The following TAF3 variants were observed in gnomAD, a reference collection of about 807,000 sequenced individuals.
TAF3 encodes the protein TATA-box binding protein associated factor 3, also known as transcription initiation factor TFIID subunit 3.
A neutral mutation model predicts 80.6 loss-of-function variants in TAF3; 7 were observed. The observed-to-expected ratio is 0.09, with a 90% CI of 0.05 to 0.16. The LOEUF (loss-of-function observed/expected upper bound fraction) is 0.16. Among genes scored for constraint, TAF3 ranks in the 10% least tolerant of loss-of-function variants. The probability of loss-of-function intolerance (pLI) is 1.00; values close to 1 mark genes in which losing one functional copy is unlikely to be tolerated. For synonymous variants in TAF3, 444 were observed against 446.1 expected (o/e 1.00, Z 0.06); for missense variants, 921 against 1,140.2 (o/e 0.81, Z 2.77).
At chr10:8,004,060 A>T (rs920765809) in intron 4 of TAF3, among the ~76,000 whole-genome samples, 1 of 151,506 alleles carries the variant, frequency 6.6e-6, no homozygotes, top group Non-Finnish European at 1.5e-5. Context: ...TATTTTATTT[A>T]TTTTTTTTGA....
At chr10:7,942,311 T>C (rs577528091) in intron 2 of TAF3, among the ~76,000 whole-genome samples, 44 of 152,348 alleles carry the variant, frequency 2.9e-4, no homozygotes, top group Non-Finnish European at 5.6e-4. Context: ...GGTAAATATT[T>C]TATCAAACAT....
intron 4 of TAF3, among the ~76,000 whole-genome samples, chr10:8,004,771 A>G (rs1389223447): frequency 6.6e-6 from 1 of 151,712 alleles, no homozygotes; most frequent in Non-Finnish European, 1.5e-5. Flanking sequence ...ATTTATTTTT[A>G]TTTATCTTGC....
chr10:7,856,236 G>A (rs1448872264), intron 2 of TAF3, among the ~76,000 whole-genome samples: 1 of 152,168 alleles, frequency 6.6e-6, no homozygotes, highest in African/African-American at 2.4e-5. Flanking sequence ...AGCACTTTGG[G>A]AGGCCGAGGC....
At chr10:7,920,717 T>C (rs1035060254) in intron 2 of TAF3, among the ~76,000 whole-genome samples, 15 of 152,210 alleles carry the variant, frequency 9.9e-5, no homozygotes, top group African/African-American at 3.4e-4. Flanking sequence ...TTTAAAATAA[T>C]ATGGTTAAAT....
intron 2 of TAF3, among the ~76,000 whole-genome samples, chr10:7,856,210 C>T (rs568957367): frequency 7.9e-5 from 12 of 152,104 alleles, no homozygotes; most frequent in Non-Finnish European, 1.3e-4. Flanking sequence ...TTTGGCTGGG[C>T]GCAGTGGCTC....
chr10:8,010,477 T>G (rs917331289), intron 5 of TAF3, among the ~76,000 whole-genome samples: 2 of 152,246 alleles, frequency 1.3e-5, no homozygotes, highest in Non-Finnish European at 2.9e-5. Context: ...ACTGATATTA[T>G]GAGCCAGGTA....
In TAF3 at chr10:7,998,834, A is replaced by C. The variant is rs560028026; in HGVS notation, c.2316-10244A>C. ...AGCCTGGGCAACAGAGTGAGACTCC[A>C]TCTCAAAAAAAAAAAGAAAAAAAAA... On this transcript the variant is annotated intron_variant, in intron 4 of 6. Transcript: ENST00000344293. 1.1e-4 allele frequency among the ~76,000 whole-genome samples: 16 copies of C among 151,366 alleles called. No homozygotes were observed. The East Asian group carries it at 2.3e-3, about 22-fold the overall frequency.
At chr10:7,871,992 A>C (rs571725294) in intron 2 of TAF3, among the ~76,000 whole-genome samples, 23 of 152,334 alleles carry the variant, frequency 1.5e-4, no homozygotes, top group Non-Finnish European at 3.1e-4. Context: ...AAAACTATAA[A>C]TTTAATCGGG....
At chr10:7,984,071 C>G (rs1008909507) in intron 4 of TAF3, among the ~76,000 whole-genome samples, 1 of 152,184 alleles carries the variant, frequency 6.6e-6, no homozygotes, top group South Asian at 2.1e-4. Flanking sequence ...GAGTTTGATA[C>G]GTCATTCTTG....
intron 1 of TAF3, among the ~76,000 whole-genome samples, chr10:7,822,559 G>A (rs1450774426): frequency 6.6e-6 from 1 of 151,774 alleles, no homozygotes; most frequent in Admixed American, 6.6e-5. Flanking sequence ...CACAGCCCTC[G>A]CCTCTACTGC....
chr10:7,856,557 T>C (rs375360615), intron 2 of TAF3, among the ~76,000 whole-genome samples: 2 of 152,126 alleles, frequency 1.3e-5, no homozygotes, highest in African/African-American at 2.4e-5. Flanking sequence ...AAGCCTAATA[T>C]CTGAACAACA....
At chr10:7,853,911 T>C (rs772509239) in intron 2 of TAF3, among the ~76,000 whole-genome samples, 1 of 152,216 alleles carries the variant, frequency 6.6e-6, no homozygotes, top group Non-Finnish European at 1.5e-5. Flanking sequence ...TTTGGAAATA[T>C]CAATAAAAAC....
chr10:7,866,392 G>A (rs978869424), intron 2 of TAF3, among the ~76,000 whole-genome samples: 6 of 152,208 alleles, frequency 3.9e-5, no homozygotes, highest in Admixed American at 2.6e-4. Flanking sequence ...GGCTGACCAC[G>A]GAATTTCAGG....
intron 2 of TAF3, among the ~76,000 whole-genome samples, chr10:7,883,941 G>A (rs947999383): frequency 1.3e-5 from 2 of 152,134 alleles, no homozygotes; most frequent in Non-Finnish European, 2.9e-5. Flanking sequence ...GGCAACGCAG[G>A]GCATCACATG....
At chr10:7,842,810 G>A (rs191270445) in intron 2 of TAF3, among the ~76,000 whole-genome samples, 1,830 of 143,846 alleles carry the variant, frequency 0.013, 14 homozygotes, top group Non-Finnish European at 0.019. Flanking sequence ...TATAAATGTC[G>A]TATATTTTTA....
intron 4 of TAF3, 54 bp downstream of exon 4, chr10:7,977,377 A>C: frequency 6.4e-7 from 1 of 1,553,438 alleles, no homozygotes; most frequent in Non-Finnish European, 8.9e-7. Context: ...AACCTTCTCT[A>C]CTCTTTCCTA....
chr10:7,946,058 T>G (rs1350839938), intron 2 of TAF3, among the ~76,000 whole-genome samples: 1 of 152,244 alleles, frequency 6.6e-6, no homozygotes, highest in South Asian at 2.1e-4. Context: ...GCCTCCTCTG[T>G]GGGGCTGAAG....
chr10:7,944,235 G>C (rs1696746687), intron 2 of TAF3, among the ~76,000 whole-genome samples: 1 of 151,492 alleles, frequency 6.6e-6, no homozygotes, highest in Non-Finnish European at 1.5e-5. Flanking sequence ...AAACATACTG[G>C]AATACTGCCA....
intron 4 of TAF3, among the ~76,000 whole-genome samples, chr10:7,996,725 A>G (rs1410299535): frequency 6.6e-6 from 1 of 151,540 alleles, no homozygotes; most frequent in Non-Finnish European, 1.5e-5. Context: ...TCTCAGCCAG[A>G]CTGGAGTACA....
Sources: gnomAD v4.1 joint callset for allele counts (sites outside exome capture counted in the v4.1 genomes callset) on GRCh38, gnomAD v4.1.1 for gene constraint, MANE v1.5 for transcripts, NCBI Gene and HGNC (gene_info 2026-07-23, HGNC 2026-07-21) for gene names.